The following RPS6KC1 variants were observed in gnomAD, a reference collection of about 807,000 sequenced individuals.
RPS6KC1 encodes inactive ribosomal protein S6 kinase delta-1.
RPS6KC1 carries 54 observed loss-of-function variants against 103.8 expected under a neutral mutation model. The ratio of observed to expected loss-of-function variants is 0.52; its 90% CI spans 0.42 to 0.65. The LOEUF is 0.65. Ranked by LOEUF, RPS6KC1 falls within the 30% of genes least tolerant of loss-of-function variation. The pLI, the probability that RPS6KC1 is intolerant of heterozygous loss-of-function variation, is 0.00. For synonymous variants in RPS6KC1, 439 were observed against 438.7 expected, an observed-to-expected ratio of 1.00 and a Z score of -0.01; for missense variants, 1,151 against 1,253.8, an observed-to-expected ratio of 0.92 and a Z score of 1.24.
chr1:213,789,139 C>T, the RPS6KC1 span, among the ~76,000 whole-genome samples: 1 of 152,124 alleles, frequency 6.6e-6, no homozygotes, highest in Non-Finnish European at 1.5e-5. Context: ...AATTAATTTA[C>T]TTGGGAAAAG....
chr1:213,414,460 C>A, the RPS6KC1 span, among the ~76,000 whole-genome samples: 2 of 152,134 alleles, frequency 1.3e-5, no homozygotes, highest in East Asian at 1.9e-4. Context: ...AGCCATAGAG[C>A]AGGAGGTGAT....
the RPS6KC1 span, among the ~76,000 whole-genome samples, chr1:213,576,320 G>A: frequency 1.3e-5 from 2 of 150,298 alleles, no homozygotes; most frequent in South Asian, 4.2e-4. Flanking sequence ...ATGTAGAGAT[G>A]ATTTAAAATG....
At chr1:213,586,772 C>G in the RPS6KC1 span, among the ~76,000 whole-genome samples, 1 of 152,172 alleles carries the variant, frequency 6.6e-6, no homozygotes, top group East Asian at 1.9e-4. Context: ...AAGTGACAGG[C>G]AGTGAGTGTG....
the RPS6KC1 span, among the ~76,000 whole-genome samples, chr1:213,444,912 GT>G: frequency 6.6e-6 from 1 of 152,004 alleles, no homozygotes; most frequent in Non-Finnish European, 1.5e-5. Flanking sequence ...ATGACTTTTC[GT>G]TTATTCACAG....
At chr1:213,632,316 G>A in the RPS6KC1 span, among the ~76,000 whole-genome samples, 2 of 152,156 alleles carry the variant, frequency 1.3e-5, no homozygotes, top group African/African-American at 4.8e-5. Context: ...AACAGCTCCA[G>A]TCTGCAGCTC....
chr1:213,401,642 A>C, the RPS6KC1 span, among the ~76,000 whole-genome samples: 6 of 152,186 alleles, frequency 3.9e-5, no homozygotes, highest in Non-Finnish European at 8.8e-5. Flanking sequence ...GAGTGGGCCC[A>C]GCCTGTTCTA....
At chr1:213,610,106 C>G in the RPS6KC1 span, among the ~76,000 whole-genome samples, 1 of 152,132 alleles carries the variant, frequency 6.6e-6, no homozygotes, top group South Asian at 2.1e-4. Flanking sequence ...TTACACTGAG[C>G]ATTTTAATGT....
chr1:213,399,846 A>G, the RPS6KC1 span, among the ~76,000 whole-genome samples: 3 of 152,002 alleles, frequency 2.0e-5, no homozygotes, highest in Admixed American at 6.5e-5. Context: ...CAGGCCCTCT[A>G]CCTTTGTAGC....
At chr1:213,476,004 G>A in the RPS6KC1 span, among the ~76,000 whole-genome samples, 10 of 152,144 alleles carry the variant, frequency 6.6e-5, no homozygotes, top group African/African-American at 2.4e-4. Flanking sequence ...CCTGGAGAGG[G>A]CCCTCAGCAG....
the RPS6KC1 span, among the ~76,000 whole-genome samples, chr1:213,329,171 C>T: frequency 2.6e-5 from 4 of 152,068 alleles, no homozygotes; most frequent in Non-Finnish European, 5.9e-5. Context: ...CATCTTGGGG[C>T]TTATTATTTT....
At chr1:213,263,839 A>AG (rs371734779) in intron 14 of RPS6KC1, among the ~76,000 whole-genome samples, 7 of 152,282 alleles carry the variant, frequency 4.6e-5, no homozygotes, top group African/African-American at 1.4e-4. Flanking sequence ...AGTCAAAAGA[A>AG]GGGGGCGGAT....
chr1:213,764,597 G>A, the RPS6KC1 span, among the ~76,000 whole-genome samples: 1,708 of 152,200 alleles, frequency 0.011, 39 homozygotes, highest in African/African-American at 0.038. Flanking sequence ...ATTCCAGCTG[G>A]CATTGGCCTC....
At chr1:213,510,815 A>G in the RPS6KC1 span, among the ~76,000 whole-genome samples, 1 of 152,170 alleles carries the variant, frequency 6.6e-6, no homozygotes, top group Non-Finnish European at 1.5e-5. Flanking sequence ...CCTATACTAT[A>G]TAAGCCCTTA....
chr1:213,612,925 C>G, the RPS6KC1 span, among the ~76,000 whole-genome samples: 4 of 152,186 alleles, frequency 2.6e-5, no homozygotes, highest in African/African-American at 9.7e-5. Context: ...CCTTTTTATA[C>G]CATTTTCCAA....
At position 213,088,030 on chromosome 1, in the gene RPS6KC1, G is replaced by A. The variant is rs142699950; in HGVS notation, c.262+10214G>A. Reference sequence around the variant, plus strand: ...TTCCTATGGTCTTCCCACTGCAGATGGTAGGTACCCCAGGACTTGCATTAC... The same window carrying A: ...TTCCTATGGTCTTCCCACTGCAGATAGTAGGTACCCCAGGACTTGCATTAC... On this transcript the variant is annotated intron_variant, in intron 3 of 14. Transcript: ENST00000366960. Among the ~76,000 whole-genome samples, 588 of 152,256 alleles carry A rather than the reference G, an allele frequency of 3.9e-3. 4 individuals are homozygous for A. The highest frequency in any genetic ancestry group is 0.014 in the African/African-American group (570 of 41,558).
At chr1:213,355,100 T>C in the RPS6KC1 span, among the ~76,000 whole-genome samples, 2 of 151,938 alleles carry the variant, frequency 1.3e-5, no homozygotes, top group East Asian at 3.9e-4. Flanking sequence ...TGCCTATAAT[T>C]CCAGCTACTC....
chr1:213,402,820 T>G, the RPS6KC1 span, among the ~76,000 whole-genome samples: 1 of 152,232 alleles, frequency 6.6e-6, no homozygotes, highest in South Asian at 2.1e-4. Context: ...GAGATCATTC[T>G]GAATTTGAGA....
chr1:213,783,895 A>C, the RPS6KC1 span, among the ~76,000 whole-genome samples: 1 of 151,028 alleles, frequency 6.6e-6, no homozygotes, highest in East Asian at 2.0e-4. Flanking sequence ...TTGATTTCTG[A>C]ATTAAACAAA....
rs2094349247 is a variant in RPS6KC1 at position 213,241,405 on chromosome 1, G to T, written c.1929G>T (p.Arg643Ser). Reference sequence around the variant, plus strand: ...TTCCAGATGGAGACAGTGCTTCTAGGAGTTTTAATACTAGTGAAAGCAAGG... The same window carrying T: ...TTCCAGATGGAGACAGTGCTTCTAGTAGTTTTAATACTAGTGAAAGCAAGG... ...FTLPDGDSAS[R>S]SFNTSESKVE... The change falls in exon 11 of 15, where the codon AGG becomes AGT. Residue 643 changes from arginine (R) to serine (S), a missense_variant. Coordinates refer to ENST00000366960, the MANE Select transcript of RPS6KC1 (RefSeq NM_012424.6). 1 of 1,613,934 alleles carries T rather than the reference G, an allele frequency of 6.2e-7. No homozygotes were observed. The highest frequency in any genetic ancestry group is 1.3e-5 in the African/African-American group (1 of 75,034).
Sources: gnomAD v4.1 joint callset for allele counts (sites outside exome capture counted in the v4.1 genomes callset) on GRCh38, gnomAD v4.1.1 for gene constraint, MANE v1.5 for transcripts, NCBI Gene and HGNC (gene_info 2026-07-23, HGNC 2026-07-21) for gene names.